The following ZDHHC8 variants were observed in gnomAD, a reference collection of about 807,000 sequenced individuals.
ZDHHC8 encodes palmitoyltransferase ZDHHC8.
ZDHHC8 carries 24 observed loss-of-function variants against 61.2 expected under a neutral mutation model. The ratio of observed to expected loss-of-function variants is 0.39; its 90% CI spans 0.28 to 0.55. The LOEUF is 0.55. ZDHHC8 is among the 20% of genes least tolerant of loss of function. The pLI is 0.60. For synonymous variants in ZDHHC8, 523 were observed against 492.5 expected (o/e 1.06, Z -0.82); for missense variants, 935 against 1,102.1 (o/e 0.85, Z 2.15).
In ZDHHC8 at chr22:20,146,190, GT is replaced by G; in HGVS notation, c.*791del. On this transcript the variant is annotated 3_prime_UTR_variant, in exon 11 of 11. Transcript: ENST00000334554. Reference sequence around the variant, plus strand: ...GGGGTGATGCTGCCACAGGGGGCTGGTGACACCCAGAGCCCCCTCCCCAGCC... The same window carrying G: ...GGGGTGATGCTGCCACAGGGGGCTGGGACACCCAGAGCCCCCTCCCCAGCC... The G allele has an allele frequency of 1.0e-6, 1 of 985,626 alleles. No homozygotes were observed. The highest frequency in any genetic ancestry group is 1.2e-6 in the Non-Finnish European group (1 of 829,932). 61.1% of individuals were successfully genotyped at this position (985,626 alleles called of 1,614,324 possible).
At chr22:20,138,552 T>C (rs2050440650) in intron 1 of ZDHHC8, among the ~76,000 whole-genome samples, 2 of 152,174 alleles carry the variant, frequency 1.3e-5, no homozygotes, top group African/African-American at 4.8e-5. Context: ...GGGGTGGCCT[T>C]GGAGCCAAGT....
At chr22:20,132,169 C>A in intron 1 of ZDHHC8, 118 bp downstream of exon 1, 1 of 523,928 alleles carries the variant, frequency 1.9e-6, no homozygotes, top group Non-Finnish European at 2.6e-6. Flanking sequence ...GCGGGCGGGG[C>A]GCCGGCTGCA....
At position 20,131,906 on chromosome 22, in the gene ZDHHC8, C is replaced by G. The variant is rs1421469957; in HGVS notation, c.-42C>G. On this transcript the variant is annotated 5_prime_UTR_variant, in exon 1 of 11. Transcript: ENST00000334554. ...CCGGCCCGACCCCGGCCGGCCCTGCCCGCCCGGCCCCGGGGAGGGATGCGG... is the reference window on the plus strand; with the variant it reads ...CCGGCCCGACCCCGGCCGGCCCTGCGCGCCCGGCCCCGGGGAGGGATGCGG... 1.0e-6 allele frequency: 1 copy of G among 988,356 alleles called. No individual in the cohort carries two copies. Among genetic ancestry groups the G allele is most frequent in the Non-Finnish European group, 1.2e-6 (1 of 821,562 alleles). 61.2% of individuals were successfully genotyped at this position (988,356 alleles called of 1,614,324 possible). A position where few individuals can be genotyped will look rare whatever the true frequency, so the allele number is the denominator to read the frequency against.
intron 5 of ZDHHC8, 79 bp from the exon 6 acceptor site, chr22:20,140,538 C>A: frequency 7.1e-7 from 1 of 1,401,200 alleles, no homozygotes; most frequent in South Asian, 1.5e-5. Context: ...TAAGGAACCC[C>A]AGCTCCCTTG....
chr22:20,143,193 A>G lies in ZDHHC8; in HGVS notation c.1563A>G (p.Leu521=). The change falls in exon 10 of 11, where the codon CTA becomes CTG. Residue 521 remains leucine, a synonymous_variant. Transcript: ENST00000334554. The part of the protein sequence containing the change: ...PGATGDPPRP[L]PRSFSPVLGP... Reference sequence around the variant, plus strand: ...CAACGGGCGACCCGCCACGGCCCCTACCCCGCAGCTTCAGCCCCGTGCTGG... The same window carrying G: ...CAACGGGCGACCCGCCACGGCCCCTGCCCCGCAGCTTCAGCCCCGTGCTGG... 1.2e-6 allele frequency: 2 copies of G among 1,609,320 alleles called. No individual in the cohort carries two copies. Among genetic ancestry groups the G allele is most frequent in the East Asian group, 2.2e-5 (1 of 44,834 alleles).
rs1303027883 is a variant in ZDHHC8 at position 20,131,889 on chromosome 22, A to C, written c.-59A>C. 2.5e-3 allele frequency: 866 copies of C among 344,966 alleles called. No homozygotes were observed. Among genetic ancestry groups the C allele is most frequent in the Non-Finnish European group, 3.2e-3 (802 of 247,944 alleles). The allele number at this position is 344,966 out of a possible 1,614,324, so 21.4% of individuals were successfully genotyped here. A position where few individuals can be genotyped will look rare whatever the true frequency, so the allele number is the denominator to read the frequency against. The stretch of plus-strand genomic sequence containing the variant: ...AGCCCGCCCGCCCGACCCCGGCCCG[A>C]CCCCGGCCGGCCCTGCCCGCCCGGC... On this transcript the variant is annotated 5_prime_UTR_variant, in exon 1 of 11. Transcript: ENST00000334554.
intron 1 of ZDHHC8, among the ~76,000 whole-genome samples, chr22:20,135,436 G>A (rs562463694): frequency 1.2e-4 from 19 of 152,320 alleles, no homozygotes; most frequent in African/African-American, 4.6e-4. Flanking sequence ...CCGAGGGCTG[G>A]GGCTGCCTGG....
intron 1 of ZDHHC8, among the ~76,000 whole-genome samples, chr22:20,133,175 A>C (rs2050392392): frequency 6.6e-6 from 1 of 152,210 alleles, no homozygotes; most frequent in South Asian, 2.1e-4. Flanking sequence ...ATGTTTAAAA[A>C]AGGCCTGTGT....
At chr22:20,142,093 G>T (rs2050475723) in intron 9 of ZDHHC8, among the ~76,000 whole-genome samples, 1 of 152,166 alleles carries the variant, frequency 6.6e-6, no homozygotes, top group African/African-American at 2.4e-5. Flanking sequence ...CCGAGAGGCA[G>T]GCCTGTGACT....
chr22:20,136,367 G>A (rs1434884510), intron 1 of ZDHHC8, among the ~76,000 whole-genome samples: 3 of 152,222 alleles, frequency 2.0e-5, no homozygotes, highest in African/African-American at 4.8e-5. Flanking sequence ...TCCACACATG[G>A]CCTCCCCTGT....
rs190104496 is a variant in ZDHHC8, at chr22:20,144,455, A to C, written c.2126+699A>C. ...CACAGACGCATGGTGTCCTCACGGCATCTGTCGCCCTGTCCGGGCCTGGAA... is the reference window on the plus strand; with the variant it reads ...CACAGACGCATGGTGTCCTCACGGCCTCTGTCGCCCTGTCCGGGCCTGGAA... On this transcript the variant is annotated intron_variant, in intron 10 of 10. Transcript: ENST00000334554. Among the ~76,000 whole-genome samples, 661 of 152,326 alleles carry C rather than the reference A, an allele frequency of 4.3e-3. 1 individual carries two copies. The highest frequency in any genetic ancestry group is 0.01 in the Middle Eastern group (3 of 294).
rs750240495 is a variant in ZDHHC8 at position 20,139,528 on chromosome 22, A to G, written c.277A>G (p.Asn93Asp). The part of the protein sequence containing the change: ...EDDFRAPLYK[N>D]VDVRGIQVRM... ...CGACTTCCGGGCTCCGCTGTACAAG[A>G]ACGTGGATGTGCGAGGTATCCAGGT... is the stretch of plus-strand genomic sequence containing the variant. The change falls in exon 3 of 11, where the codon AAC (asparagine) becomes GAC (aspartate). Residue 93 changes from asparagine to aspartate, a missense_variant. This residue lies in a region of ZDHHC8 where 199 missense variants were observed against 334.0 expected (regional missense o/e 0.60). Transcript: ENST00000334554. 1 of 1,613,580 alleles carries G rather than the reference A, an allele frequency of 6.2e-7. No homozygotes were observed. Among genetic ancestry groups the G allele is most frequent in the Non-Finnish European group, 8.5e-7 (1 of 1,180,008 alleles).
chr22:20,136,720 G>A (rs796078712), intron 1 of ZDHHC8, among the ~76,000 whole-genome samples: 7 of 152,376 alleles, frequency 4.6e-5, no homozygotes, highest in African/African-American at 1.7e-4. Context: ...GTTCATGCAT[G>A]TATATGTGTT....
At chr22:20,135,855 C>T (rs920657094) in intron 1 of ZDHHC8, among the ~76,000 whole-genome samples, 2 of 152,262 alleles carry the variant, frequency 1.3e-5, no homozygotes, top group Non-Finnish European at 2.9e-5. Flanking sequence ...TCCCGAGCGC[C>T]CCACGGGCGA....
rs116900900 is a variant in ZDHHC8, at chr22:20,145,493, C to G, written c.*93C>G. On this transcript the variant is annotated 3_prime_UTR_variant, in exon 11 of 11. Coordinates refer to ENST00000334554, the MANE Select transcript of ZDHHC8 (RefSeq NM_013373.4). Reference sequence around the variant, plus strand: ...CACCAACTTCTCTGCCCCAGGGACCCGAGGCCACCCCAGCCTGGTGTGGAC... The same window carrying G: ...CACCAACTTCTCTGCCCCAGGGACCGGAGGCCACCCCAGCCTGGTGTGGAC... The G allele has an allele frequency of 7.4e-7, 1 of 1,343,940 alleles. No individual in the cohort carries two copies. Among genetic ancestry groups the G allele is most frequent in the African/African-American group, 1.5e-5 (1 of 65,468 alleles). 83.3% of individuals were successfully genotyped at this position (1,343,940 alleles called of 1,614,324 possible). A position where few individuals can be genotyped will look rare whatever the true frequency, so the allele number is the denominator to read the frequency against.
Position 20,145,901 on chromosome 22 carries a change from G to A in ZDHHC8, c.*501G>A, listed in dbSNP as rs1338897131. On this transcript the variant is annotated 3_prime_UTR_variant, in exon 11 of 11. Transcript: ENST00000334554. ...TCCTAACTAACGCGTTGCCTTTCACGGACCCCGCTGGAAGCTTGTAGCTTG... is the reference window on the plus strand; with the variant it reads ...TCCTAACTAACGCGTTGCCTTTCACAGACCCCGCTGGAAGCTTGTAGCTTG... 7.1e-6 allele frequency: 7 copies of A among 985,674 alleles called. No individual in the cohort carries two copies. Among genetic ancestry groups the A allele is most frequent in the African/African-American group, 1.7e-5 (1 of 57,244 alleles). The allele number at this position is 985,674 out of a possible 1,614,324, so 61.1% of individuals were successfully genotyped here. A position where few individuals can be genotyped will look rare whatever the true frequency, so the allele number is the denominator to read the frequency against.
intron 1 of ZDHHC8, among the ~76,000 whole-genome samples, chr22:20,137,147 C>G (rs114111317): frequency 0.014 from 2,179 of 152,350 alleles, 42 homozygotes; most frequent in African/African-American, 0.05. Flanking sequence ...AGGCATGTGG[C>G]AGGTACCCGC....
At position 20,141,550 on chromosome 22, in the gene ZDHHC8, C is replaced by G; in HGVS notation, c.1125+20C>G. On this transcript the variant is annotated intron_variant, in intron 9 of 10. Coordinates refer to ENST00000334554, the MANE Select transcript of ZDHHC8 (RefSeq NM_013373.4). ...GAGCAGGTAAGGAGGCCTAGCCTGC[C>G]CCCTGGCAGGCCTCGTCCCCCAGGC... The G allele has an allele frequency of 6.3e-7, 1 of 1,593,140 alleles. No homozygotes were observed.
In ZDHHC8 at chr22:20,145,300, C is replaced by A; in HGVS notation, c.2198C>A (p.Pro733His). The A allele has an allele frequency of 6.3e-7, 1 of 1,592,742 alleles. No individual in the cohort carries two copies. Among genetic ancestry groups the A allele is most frequent in the Non-Finnish European group, 8.5e-7 (1 of 1,170,292 alleles). ...GQSPGLARLG[P>H]ATGPPGPSAS... Reference sequence around the variant, plus strand: ...TCCCCGGGCCTGGCCCGGCTGGGACCTGCCACCGGCCCCCCAGGGCCCTCT... The same window carrying A: ...TCCCCGGGCCTGGCCCGGCTGGGACATGCCACCGGCCCCCCAGGGCCCTCT... The change falls in exon 11 of 11, where the codon CCT becomes CAT. Residue 733 changes from proline to histidine, a missense_variant. Pro to His is a moderately conservative substitution (Grantham distance 77). This residue lies in a region of ZDHHC8 where 692 missense variants were observed against 731.4 expected (regional missense o/e 0.95). Coordinates refer to ENST00000334554, the MANE Select transcript of ZDHHC8 (RefSeq NM_013373.4).
Sources: gnomAD v4.1 joint callset for allele counts (sites outside exome capture counted in the v4.1 genomes callset) on GRCh38, gnomAD v4.1.1 for gene constraint, gnomAD v4.1.1 regional missense constraint, MANE v1.5 for transcripts, NCBI Gene and HGNC (gene_info 2026-07-23, HGNC 2026-07-21) for gene names.